ARHGAP15: variants seen among roughly 807,000 people sequenced by gnomAD.
ARHGAP15 encodes rho GTPase-activating protein 15.
A neutral mutation model predicts 63.7 loss-of-function variants in ARHGAP15; 51 were observed. That is an observed-to-expected ratio of 0.80 (90% CI 0.64 to 1.01). ARHGAP15 has a LOEUF of 1.01. ARHGAP15 is among the 50% of genes least tolerant of loss of function. The probability of loss-of-function intolerance (pLI) is 0.00; values close to 1 mark genes in which losing one functional copy is unlikely to be tolerated. For missense variants in ARHGAP15, 560 were observed against 564.6 expected (o/e 0.99, Z 0.08); for synonymous variants, 191 against 193.8 (o/e 0.99, Z 0.12).
intron 6 of ARHGAP15, among the ~76,000 whole-genome samples, chr2:143,363,870 CA>C (rs1686172904): frequency 6.6e-6 from 1 of 152,052 alleles, no homozygotes; most frequent in African/African-American, 2.4e-5. Flanking sequence ...AATAGAAACT[CA>C]AAAATAATTG....
At chr2:143,701,237 T>C (rs985319846) in intron 12 of ARHGAP15, among the ~76,000 whole-genome samples, 7 of 152,192 alleles carry the variant, frequency 4.6e-5, no homozygotes, top group African/African-American at 1.7e-4. Flanking sequence ...TAATTCCTTA[T>C]AAAAAAATTC....
intron 4 of ARHGAP15, among the ~76,000 whole-genome samples, chr2:143,227,459 G>A (rs979792990): frequency 1.3e-5 from 2 of 152,108 alleles, no homozygotes; most frequent in Non-Finnish European, 2.9e-5. Context: ...CTTAATGGAG[G>A]ATAGAGGTGA....
chr2:143,696,814 G>A (rs1184216714), intron 12 of ARHGAP15, among the ~76,000 whole-genome samples: 1 of 152,118 alleles, frequency 6.6e-6, no homozygotes, highest in Non-Finnish European at 1.5e-5. Context: ...CAACTCTCAG[G>A]TGATCCTCCC....
chr2:143,642,254 A>G (rs1482167059), intron 12 of ARHGAP15, among the ~76,000 whole-genome samples: 1 of 151,900 alleles, frequency 6.6e-6, no homozygotes, highest in East Asian at 1.9e-4. Flanking sequence ...GTATATTTGT[A>G]GTGATTTTTT....
At chr2:143,347,829 T>C (rs1487123009) in intron 6 of ARHGAP15, among the ~76,000 whole-genome samples, 1 of 151,906 alleles carries the variant, frequency 6.6e-6, no homozygotes, top group East Asian at 1.9e-4. Flanking sequence ...TTTTTTTTTT[T>C]TTGGCACCAT....
intron 6 of ARHGAP15, among the ~76,000 whole-genome samples, chr2:143,357,717 T>C (rs183640544): frequency 2.0e-5 from 3 of 152,150 alleles, no homozygotes; most frequent in African/African-American, 7.2e-5. Flanking sequence ...TAATAATAGA[T>C]TAATACATGA....
intron 2 of ARHGAP15, among the ~76,000 whole-genome samples, chr2:143,190,001 GTTTC>G (rs981806727): frequency 2.0e-5 from 3 of 151,810 alleles, no homozygotes; most frequent in African/African-American, 4.8e-5. Flanking sequence ...CTTACTTTGG[GTTTC>G]TTTCTGTTTG....
chr2:143,493,915 C>T (rs1692699516), intron 9 of ARHGAP15, among the ~76,000 whole-genome samples: 2 of 152,200 alleles, frequency 1.3e-5, no homozygotes, highest in Non-Finnish European at 2.9e-5. Flanking sequence ...ATTCCATTGC[C>T]TGTCCAACAC....
At chr2:143,348,688 C>T (rs72617090) in intron 6 of ARHGAP15, among the ~76,000 whole-genome samples, 10 of 152,044 alleles carry the variant, frequency 6.6e-5, no homozygotes, top group Non-Finnish European at 1.5e-4. Context: ...TTTACATGTG[C>T]GACTATTCTC....
Position 143,399,548 on chromosome 2 carries a change from TTGTAA to T in ARHGAP15, c.475-36048_475-36044del, listed in dbSNP as rs548559212. Among the ~76,000 whole-genome samples, 302 of 152,228 alleles carry T rather than the reference TTGTAA, an allele frequency of 2.0e-3. 2 individuals are homozygous for T. The highest frequency in any genetic ancestry group is 7.1e-3 in the African/African-American group (295 of 41,552). Reference sequence around the variant, plus strand: ...GTTGCTGGTGAGTTGGAAAAGGGCCTTGTAATGTATTTGTGGAGAACATTACGATT... The same window carrying T: ...GTTGCTGGTGAGTTGGAAAAGGGCCTTGTATTTGTGGAGAACATTACGATT... On this transcript the variant is annotated intron_variant, in intron 6 of 13. Transcript: ENST00000295095.
At chr2:143,296,732 CGT>C (rs1553460454) in intron 6 of ARHGAP15, among the ~76,000 whole-genome samples, 1 of 151,842 alleles carries the variant, frequency 6.6e-6, no homozygotes, top group Non-Finnish European at 1.5e-5. Flanking sequence ...CATAGGTAAA[CGT>C]GTGTCATGGG....
At chr2:143,243,383 G>T (rs1693936071) in intron 5 of ARHGAP15, among the ~76,000 whole-genome samples, 1 of 151,964 alleles carries the variant, frequency 6.6e-6, no homozygotes, top group Admixed American at 6.6e-5. Flanking sequence ...CTAAAAAAGA[G>T]GCTTTTATGT....
intron 9 of ARHGAP15, among the ~76,000 whole-genome samples, chr2:143,500,917 CAGG>C (rs1266966741): frequency 6.6e-6 from 1 of 152,086 alleles, no homozygotes; most frequent in Non-Finnish European, 1.5e-5. Context: ...CCATATGAGA[CAGG>C]AGGGAGATTT....
chr2:143,266,100 G>A (rs1463522742), intron 6 of ARHGAP15, among the ~76,000 whole-genome samples: 8 of 151,910 alleles, frequency 5.3e-5, no homozygotes. Context: ...ACTGAGTAGA[G>A]CTCCAGAAAC....
At chr2:143,334,210 A>T (rs985457188) in intron 6 of ARHGAP15, among the ~76,000 whole-genome samples, 3 of 152,142 alleles carry the variant, frequency 2.0e-5, no homozygotes, top group Non-Finnish European at 4.4e-5. Flanking sequence ...ACAATCACAG[A>T]TCTCTCTAAT....
In ARHGAP15 at chr2:143,330,120, A is replaced by C. The variant is rs1371825893; in HGVS notation, c.474+79520A>C. Reference sequence around the variant, plus strand: ...AAAAAAAAAAAAAAAAAAAAAAAAAAAAAAAAAAAAACCAAAAACAAAAAA... The same window carrying C: ...AAAAAAAAAAAAAAAAAAAAAAAAACAAAAAAAAAAACCAAAAACAAAAAA... On this transcript the variant is annotated intron_variant, in intron 6 of 13. Coordinates refer to ENST00000295095, the MANE Select transcript of ARHGAP15 (RefSeq NM_018460.4). 1.4e-3 allele frequency among the ~76,000 whole-genome samples: 125 copies of C among 88,384 alleles called. 6 individuals are homozygous for C. Among genetic ancestry groups the C allele is most frequent in the Admixed American group, 1.2e-3 (10 of 8,286 alleles). The allele number at this position is 88,384 out of a possible 152,430, so 58.0% of individuals were successfully genotyped here. A position where few individuals can be genotyped will look rare whatever the true frequency, so the allele number is the denominator to read the frequency against.
At chr2:143,548,276 G>A (rs1485654337) in intron 10 of ARHGAP15, among the ~76,000 whole-genome samples, 1 of 152,154 alleles carries the variant, frequency 6.6e-6, no homozygotes, top group South Asian at 2.1e-4. Flanking sequence ...TTGCCCAAGT[G>A]TTCAAAGAAA....
chr2:143,655,207 C>T (rs1006556297), intron 12 of ARHGAP15, among the ~76,000 whole-genome samples: 1 of 152,006 alleles, frequency 6.6e-6, no homozygotes, highest in Non-Finnish European at 1.5e-5. Flanking sequence ...TTTGGTGCAC[C>T]CATCTCCCGA....
Position 143,281,836 on chromosome 2 carries a change from T to G in ARHGAP15, c.474+31236T>G, listed in dbSNP as rs552658273. Among the ~76,000 whole-genome samples, 13 of 152,330 alleles carry G rather than the reference T, an allele frequency of 8.5e-5. No homozygotes were observed. The East Asian group carries it at 2.1e-3, about 25-fold the overall frequency. ...GAGAAGAAAAACATTTCTCACTTTA[T>G]TCCTTTTTTATGCTTTTTGATTGCT... On this transcript the variant is annotated intron_variant, in intron 6 of 13. Transcript: ENST00000295095.
Sources: gnomAD v4.1 joint callset for allele counts (sites outside exome capture counted in the v4.1 genomes callset) on GRCh38, gnomAD v4.1.1 for gene constraint, MANE v1.5 for transcripts, NCBI Gene and HGNC (gene_info 2026-07-23, HGNC 2026-07-21) for gene names.